The following CDH9 variants were observed in gnomAD, a reference collection of about 807,000 sequenced individuals.
CDH9 encodes cadherin-9.
Under a neutral mutation model 70.9 loss-of-function variants are expected in CDH9, and 28 were observed. That is an observed-to-expected ratio of 0.40 (90% CI 0.29 to 0.54). CDH9 has a LOEUF of 0.54. Among genes scored for constraint, CDH9 ranks in the 20% least tolerant of loss-of-function variants. The pLI is 0.59. For missense variants in CDH9, 874 were observed against 984.4 expected, an observed-to-expected ratio of 0.89 and a Z score of 1.50; for synonymous variants, 409 against 343.1, an observed-to-expected ratio of 1.19 and a Z score of -2.12.
At chr5:26,945,430 T>C (rs1741735546) in intron 2 of CDH9, among the ~76,000 whole-genome samples, 1 of 152,076 alleles carries the variant, frequency 6.6e-6, no homozygotes, top group African/African-American at 2.4e-5. Context: ...CATTAGAAAA[T>C]AAAAGTTTCT....
intron 1 of CDH9, among the ~76,000 whole-genome samples, chr5:27,005,763 C>G (rs1054354723): frequency 6.6e-6 from 1 of 152,080 alleles, no homozygotes; most frequent in Non-Finnish European, 1.5e-5. Flanking sequence ...ATAGAACCAA[C>G]TTAAATGTCC....
chr5:26,899,333 G>T (rs1023544273), intron 7 of CDH9, among the ~76,000 whole-genome samples: 1 of 152,038 alleles, frequency 6.6e-6, no homozygotes, highest in Non-Finnish European at 1.5e-5. Context: ...TATACCCCAA[G>T]GATTATAAAT....
intron 1 of CDH9, among the ~76,000 whole-genome samples, chr5:27,009,957 T>C (rs1742929327): frequency 6.6e-6 from 1 of 152,084 alleles, no homozygotes; most frequent in Non-Finnish European, 1.5e-5. Flanking sequence ...GAGACACAGC[T>C]TTAACGTGAG....
chr5:26,904,584 C>T (rs1740913608), intron 5 of CDH9, among the ~76,000 whole-genome samples: 1 of 151,964 alleles, frequency 6.6e-6, no homozygotes, highest in Non-Finnish European at 1.5e-5. Context: ...AGGGGCAGGT[C>T]TTAAGGAAAT....
At chr5:26,887,467 T>C (rs1200820538) in intron 9 of CDH9, among the ~76,000 whole-genome samples, 1 of 150,062 alleles carries the variant, frequency 6.7e-6, no homozygotes, top group Non-Finnish European at 1.5e-5. Flanking sequence ...TATTAAATAA[T>C]TATAATTAGT....
chr5:26,888,940 T>C (rs548116780), intron 9 of CDH9, among the ~76,000 whole-genome samples: 14 of 152,132 alleles, frequency 9.2e-5, no homozygotes, highest in South Asian at 8.3e-4. Flanking sequence ...CCCTTATAAC[T>C]TCACTTCATC....
intron 9 of CDH9, among the ~76,000 whole-genome samples, chr5:26,889,431 A>G (rs966183784): frequency 6.6e-6 from 1 of 152,132 alleles, no homozygotes; most frequent in Non-Finnish European, 1.5e-5. Context: ...AATCAAGAAA[A>G]CAATGATTAT....
chr5:26,936,948 A>G (rs1484885272), intron 2 of CDH9, among the ~76,000 whole-genome samples: 1 of 152,142 alleles, frequency 6.6e-6, no homozygotes, highest in African/African-American at 2.4e-5. Context: ...AGGCAATAAC[A>G]TAGGACAGAG....
intron 9 of CDH9, among the ~76,000 whole-genome samples, chr5:26,888,662 C>T (rs1740604732): frequency 1.3e-5 from 2 of 152,120 alleles, no homozygotes; most frequent in African/African-American, 2.4e-5. Flanking sequence ...TCTTAGTCAG[C>T]TGGGCTGCCA....
chr5:27,019,357 G>C (rs1052831422), intron 1 of CDH9, among the ~76,000 whole-genome samples: 1 of 151,702 alleles, frequency 6.6e-6, no homozygotes, highest in African/African-American at 2.4e-5. Context: ...TTGATCTTTT[G>C]TTTTTTTCTA....
intron 1 of CDH9, among the ~76,000 whole-genome samples, chr5:26,999,144 C>A (rs557361075): frequency 6.6e-6 from 1 of 152,132 alleles, no homozygotes; most frequent in South Asian, 2.1e-4. Flanking sequence ...ACTTGGGAGG[C>A]TGAGGCAGGG....
intron 7 of CDH9, among the ~76,000 whole-genome samples, chr5:26,891,563 A>G (rs1740660423): frequency 1.3e-5 from 2 of 152,104 alleles, no homozygotes; most frequent in South Asian, 2.1e-4. Flanking sequence ...CTGTAATCCC[A>G]GCTACTCGGG....
intron 2 of CDH9, among the ~76,000 whole-genome samples, chr5:26,919,443 A>T (rs915172844): frequency 6.6e-6 from 1 of 152,174 alleles, no homozygotes; most frequent in African/African-American, 2.4e-5. Flanking sequence ...TCCTGCTACC[A>T]TGGGCTAAAG....
chr5:27,008,231 C>T (rs202186506), intron 1 of CDH9, among the ~76,000 whole-genome samples: 2 of 152,102 alleles, frequency 1.3e-5, no homozygotes, highest in Non-Finnish European at 2.9e-5. Context: ...CGGGGTGGCT[C>T]ACGCCTGTAA....
chr5:27,004,603 G>C (rs888880459), intron 1 of CDH9, among the ~76,000 whole-genome samples: 1 of 152,084 alleles, frequency 6.6e-6, no homozygotes, highest in Non-Finnish European at 1.5e-5. Flanking sequence ...TAAATTAATA[G>C]AAGTGGAGGA....
intron 6 of CDH9, 188 bp downstream of exon 6, chr5:26,903,449 T>A: frequency 1.4e-6 from 1 of 689,792 alleles, no homozygotes; most frequent in East Asian, 2.7e-5. Flanking sequence ...ACAACTGAGG[T>A]TTTAAGTGTC....
chr5:26,902,490 C>G lies in CDH9; in HGVS notation c.1239G>C (p.Arg413Ser), dbSNP rs866802321. The G allele has an allele frequency of 6.3e-7, 1 of 1,599,924 alleles. No individual in the cohort carries two copies. The highest frequency in any genetic ancestry group is 8.6e-7 in the Non-Finnish European group (1 of 1,168,698). The change falls in exon 7 of 12, where the codon AGG (arginine) becomes AGC (serine). Residue 413 changes from arginine to serine, a missense_variant. Physicochemically the swap from Arg to Ser is moderately radical, Grantham distance 110. Transcript: ENST00000231021. ...AAAGTACTTACTTTATTAAATTGTT[C>G]CTGGCATCTGGATCGTATGCTGTAA... is the stretch of plus-strand genomic sequence containing the variant. Reference protein sequence around the residue: ...GQVTAYDPDARNNLIKYSVDR... With the variant: ...GQVTAYDPDASNNLIKYSVDR...
chr5:26,938,829 A>C (rs1340863626), intron 2 of CDH9, among the ~76,000 whole-genome samples: 1 of 152,130 alleles, frequency 6.6e-6, no homozygotes, highest in Non-Finnish European at 1.5e-5. Flanking sequence ...TATTATATCA[A>C]CTACAAAAGT....
rs893053657 is a variant in CDH9, at chr5:26,902,635, T to C, written c.1094A>G (p.Lys365Arg). 32 of 1,600,770 alleles carry C rather than the reference T, an allele frequency of 2.0e-5. No homozygotes were observed. The highest frequency in any genetic ancestry group is 2.7e-5 in the Non-Finnish European group (31 of 1,168,300). ...AGATATTTTGACCACAGCTGTATCTTTGAAAGGTCCCAGGTGTAAGAATCG... is the reference window on the plus strand; with the variant it reads ...AGATATTTTGACCACAGCTGTATCTCTGAAAGGTCCCAGGTGTAAGAATCG... ...DPRFLHLGPF[K>R]DTAVVKISVE... Residue 365 changes from lysine (K) to arginine (R), a missense_variant, in exon 7 of 12, where the codon AAA becomes AGA. Coordinates refer to ENST00000231021, the MANE Select transcript of CDH9 (RefSeq NM_016279.4).
Sources: gnomAD v4.1 joint callset for allele counts (sites outside exome capture counted in the v4.1 genomes callset) on GRCh38, gnomAD v4.1.1 for gene constraint, MANE v1.5 for transcripts, NCBI Gene and HGNC (gene_info 2026-07-23, HGNC 2026-07-21) for gene names.